ING3: variants seen among roughly 807,000 people sequenced by gnomAD.
The protein encoded by ING3 is inhibitor of growth protein 3.
A neutral mutation model predicts 64.8 loss-of-function variants in ING3; 6 were observed. That is an observed-to-expected ratio of 0.09 (90% CI 0.05 to 0.18). The LOEUF is 0.18. Among genes scored for constraint, ING3 ranks in the 10% least tolerant of loss-of-function variants. The pLI is 1.00. For synonymous variants in ING3, 170 were observed against 173.7 expected, an observed-to-expected ratio of 0.98 and a Z score of 0.17; for missense variants, 310 against 489.7, an observed-to-expected ratio of 0.63 and a Z score of 3.46.
intron 4 of ING3, among the ~76,000 whole-genome samples, chr7:120,963,793 TTAC>T (rs1795964251): frequency 6.6e-6 from 1 of 152,168 alleles, no homozygotes; most frequent in African/African-American, 2.4e-5. Flanking sequence ...ATTCTAAACC[TTAC>T]TTAAAATGTT....
chr7:120,974,139 A>C (rs114664912), intron 11 of ING3, among the ~76,000 whole-genome samples: 1 of 152,272 alleles, frequency 6.6e-6, no homozygotes, highest in Non-Finnish European at 1.5e-5. Context: ...TGAGATTTCT[A>C]TGAGTACCAG....
intron 7 of ING3, 101 bp downstream of exon 7, chr7:120,967,749 G>A: frequency 7.5e-7 from 1 of 1,331,646 alleles, no homozygotes. Flanking sequence ...TTCTTTACCT[G>A]GTTAAAGTAT....
At position 120,963,572 on chromosome 7, in the gene ING3, G is replaced by T. The variant is rs1020308386; in HGVS notation, c.268-1170G>T. ...TAATGCATTAGCTATATGACCTTGGGCATATTACTTAAGTAACCCTTCCGA... is the reference window on the plus strand; with the variant it reads ...TAATGCATTAGCTATATGACCTTGGTCATATTACTTAAGTAACCCTTCCGA... On this transcript the variant is annotated intron_variant, in intron 4 of 11. Transcript: ENST00000315870. 2.0e-5 allele frequency among the ~76,000 whole-genome samples: 3 copies of T among 152,208 alleles called. No individual in the cohort carries two copies. In the East Asian group the frequency reaches 5.8e-4, roughly 29 times the overall value.
chr7:120,955,349 A>G (rs1223039713), intron 3 of ING3, among the ~76,000 whole-genome samples: 1 of 152,086 alleles, frequency 6.6e-6, no homozygotes, highest in Non-Finnish European at 1.5e-5. Context: ...GGCTGGTCCC[A>G]AACTCCTGAC....
intron 4 of ING3, among the ~76,000 whole-genome samples, chr7:120,958,385 A>G (rs778697347): frequency 4.6e-5 from 7 of 152,160 alleles, no homozygotes; most frequent in Non-Finnish European, 8.8e-5. Flanking sequence ...GGTGAGGCTC[A>G]GATTGAAAAA....
rs1322217982 is a variant in ING3 at position 120,975,228 on chromosome 7, ATGTAC to A, written c.*391_*395del. On this transcript the variant is annotated 3_prime_UTR_variant, in exon 12 of 12. Transcript: ENST00000315870. ...ATATTCAACAGGTATATTCTGCTGC[ATGTAC>A]TGTACTCCAGAGCTGTTATGTAACA... 6 of 157,492 alleles carry A rather than the reference ATGTAC, an allele frequency of 3.8e-5. No homozygotes were observed. The highest frequency in any genetic ancestry group is 1.4e-4 in the African/African-American group (6 of 41,432). The allele number at this position is 157,492 out of a possible 1,614,324, so 9.8% of individuals were successfully genotyped here.
In ING3 at chr7:120,966,606, C is replaced by T. The variant is rs1240363178; in HGVS notation, c.365-20C>T. On this transcript the variant is annotated intron_variant, in intron 5 of 11. Transcript: ENST00000315870. Reference sequence around the variant, plus strand: ...GGTGACATTTAATGGTGGTGTATCTCTGTGCCTCTCTTCTTTTAGGATCTT... The same window carrying T: ...GGTGACATTTAATGGTGGTGTATCTTTGTGCCTCTCTTCTTTTAGGATCTT... The T allele has an allele frequency of 6.3e-7, 1 of 1,587,208 alleles. No individual in the cohort carries two copies. Among genetic ancestry groups the T allele is most frequent in the Non-Finnish European group, 8.7e-7 (1 of 1,155,444 alleles).
At position 120,969,157 on chromosome 7, in the gene ING3, G is replaced by A; in HGVS notation, c.861G>A (p.Gln287=). 6.2e-7 allele frequency: 1 copy of A among 1,613,544 alleles called. No individual in the cohort carries two copies. Among genetic ancestry groups the A allele is most frequent in the Non-Finnish European group, 8.5e-7 (1 of 1,179,776 alleles). ...CGGCACTTATGACAACATTAACACA[G>A]AATGCCAGTTCATCAGCAGCCGACT... ...SSSALMTTLT[Q]NASSSAADSR... The change falls in exon 9 of 12, where the codon CAG becomes CAA. Residue 287 remains glutamine, a synonymous_variant. Transcript: ENST00000315870.
intron 4 of ING3, among the ~76,000 whole-genome samples, chr7:120,962,448 G>A (rs549142950): frequency 6.6e-6 from 1 of 151,164 alleles, no homozygotes; most frequent in Non-Finnish European, 1.5e-5. Context: ...GAGCTATCTA[G>A]TATTGAAAGT....
chr7:120,964,927 C>T (rs1795978443), intron 5 of ING3, 89 bp downstream of exon 5: 1 of 1,051,798 alleles, frequency 9.5e-7, no homozygotes, highest in Non-Finnish European at 1.4e-6. Context: ...CTTTTGAAAT[C>T]CTGCCCTTCA....
rs1357697546 is a variant in ING3, at chr7:120,976,933, G to A, written c.*2089G>A. 2.0e-5 allele frequency: 3 copies of A among 152,094 alleles called. No individual in the cohort carries two copies. Among genetic ancestry groups the A allele is most frequent in the Non-Finnish European group, 2.9e-5 (2 of 68,020 alleles). The allele number at this position is 152,094 out of a possible 1,614,324, so 9.4% of individuals were successfully genotyped here. A position where few individuals can be genotyped will look rare whatever the true frequency, so the allele number is the denominator to read the frequency against. On this transcript the variant is annotated 3_prime_UTR_variant, in exon 12 of 12. Transcript: ENST00000315870. ...TTAATATCTGAGTCATATATAATGG[G>A]GCCAAACATGGAACTACCTCATCAA...
intron 11 of ING3, among the ~76,000 whole-genome samples, chr7:120,973,658 C>T (rs1796098268): frequency 6.6e-6 from 1 of 152,144 alleles, no homozygotes; most frequent in South Asian, 2.1e-4. Flanking sequence ...GTGAGATTAT[C>T]TTCCTCTCAT....
Position 120,951,171 on chromosome 7 carries a change from G to A in ING3, c.36G>A (p.Glu12=), listed in dbSNP as rs750586764. 7.4e-6 allele frequency: 12 copies of A among 1,614,148 alleles called. No individual in the cohort carries two copies. The highest frequency in any genetic ancestry group is 5.0e-5 in the Admixed American group (3 of 60,024). The change falls in exon 2 of 12, where the codon GAG becomes GAA. Residue 12 remains glutamate, a synonymous_variant. Transcript: ENST00000315870. ...LYLEDYLEMI[E]QLPMDLRDRF... is the part of the protein sequence containing the mutation. ...GGACTCTCCCTTTGACAGTGATTGA[G>A]CAGCTTCCTATGGATCTGCGGGACC...
chr7:120,952,226 G>A (rs1795777132), intron 2 of ING3, among the ~76,000 whole-genome samples: 1 of 152,198 alleles, frequency 6.6e-6, no homozygotes, highest in Admixed American at 6.5e-5. Context: ...GTTCTCTGCA[G>A]GACTGAGCAC....
At position 120,964,907 on chromosome 7, in the gene ING3, C is replaced by T. The variant is rs932997650; in HGVS notation, c.364+69C>T. 12 of 1,238,024 alleles carry T rather than the reference C, an allele frequency of 9.7e-6. No individual in the cohort carries two copies. In the East Asian group the frequency reaches 1.4e-4, roughly 14 times the overall value. 76.7% of individuals were successfully genotyped at this position (1,238,024 alleles called of 1,614,324 possible). On this transcript the variant is annotated intron_variant, in intron 5 of 11. Transcript: ENST00000315870. Reference sequence around the variant, plus strand: ...GTGCAAATCGCTGAGAAGACCTTGTCCCACAGAGGCTTTTGAAATCCTGCC... The same window carrying T: ...GTGCAAATCGCTGAGAAGACCTTGTTCCACAGAGGCTTTTGAAATCCTGCC...
chr7:120,969,250 G>T, intron 9 of ING3, 46 bp downstream of exon 9: 1 of 1,477,086 alleles, frequency 6.8e-7, no homozygotes, highest in Non-Finnish European at 9.3e-7. Flanking sequence ...CTGAACACTT[G>T]GTCTACTTGA....
chr7:120,969,077 C>G lies in ING3; in HGVS notation c.781C>G (p.Gln261Glu). 4 of 1,613,772 alleles carry G rather than the reference C, an allele frequency of 2.5e-6. No homozygotes were observed. The highest frequency in any genetic ancestry group is 3.4e-6 in the Non-Finnish European group (4 of 1,179,834). The change falls in exon 9 of 12, where the codon CAG becomes GAG. Residue 261 changes from glutamine to glutamate, a missense_variant. Gln to Glu is a conservative substitution (Grantham distance 29). Transcript: ENST00000315870. ...SYEAFKNNDF[Q>E]LGKEFSMARE... ...TGAAGCATTTAAGAATAATGACTTT[C>G]AGTTGGGAAAAGAATTTTCAATGGC...
In ING3 at chr7:120,976,644, A is replaced by AT. The variant is rs1162881381; in HGVS notation, c.*1802dup. ...TTTACATCCTCTATATATTATGACT[A>AT]TTCCAAACTCATTCATTTTATAGAA... On this transcript the variant is annotated 3_prime_UTR_variant, in exon 12 of 12. Transcript: ENST00000315870. 3.3e-5 allele frequency: 5 copies of AT among 152,172 alleles called. No homozygotes were observed. Among genetic ancestry groups the AT allele is most frequent in the Non-Finnish European group, 7.4e-5 (5 of 68,018 alleles). 9.4% of individuals were successfully genotyped at this position (152,172 alleles called of 1,614,324 possible).
intron 4 of ING3, chr7:120,955,967 G>A: frequency 1.7e-6 from 1 of 584,990 alleles, no homozygotes. Context: ...ACATCATTTT[G>A]AGATTGTTTC....
Sources: gnomAD v4.1 joint callset for allele counts (sites outside exome capture counted in the v4.1 genomes callset) on GRCh38, gnomAD v4.1.1 for gene constraint, MANE v1.5 for transcripts, NCBI Gene and HGNC (gene_info 2026-07-23, HGNC 2026-07-21) for gene names.